Variants in TRPC4 observed in about 807,000 individuals in gnomAD.
TRPC4 encodes the protein transient receptor potential cation channel subfamily C member 4, also known as short transient receptor potential channel 4.
Under a neutral mutation model 99.4 loss-of-function variants are expected in TRPC4, and 49 were observed. The observed-to-expected ratio is 0.49, with a 90% confidence interval of 0.39 to 0.63. TRPC4 has a LOEUF of 0.63. Ranked by LOEUF, TRPC4 falls within the 20% of genes least tolerant of loss-of-function variation. The pLI is 0.00. For missense variants in TRPC4, 898 were observed against 1,152.9 expected (o/e 0.78, Z 3.20); for synonymous variants, 454 against 425.9 (o/e 1.07, Z -0.81).
intron 4 of TRPC4, among the ~76,000 whole-genome samples, chr13:37,686,502 T>C (rs995665714): frequency 6.6e-6 from 1 of 152,116 alleles, no homozygotes; most frequent in East Asian, 1.9e-4. Flanking sequence ...TCTATGAATA[T>C]TTATCTAGAT....
intron 1 of TRPC4, among the ~76,000 whole-genome samples, chr13:37,809,385 T>C (rs913396784): frequency 6.6e-6 from 1 of 152,074 alleles, no homozygotes; most frequent in East Asian, 1.9e-4. Context: ...TTTACTTTTT[T>C]GCAGTGACTC....
chr13:37,727,332 G>A (rs112029261), intron 3 of TRPC4, among the ~76,000 whole-genome samples: 259 of 151,484 alleles, frequency 1.7e-3, no homozygotes, highest in Non-Finnish European at 2.8e-3. Context: ...TTTAACCAAC[G>A]GATCAAAGAA....
intron 3 of TRPC4, among the ~76,000 whole-genome samples, chr13:37,703,957 C>T (rs1281612791): frequency 6.6e-6 from 1 of 151,958 alleles, no homozygotes; most frequent in African/African-American, 2.4e-5. Context: ...TGGAACAAGC[C>T]AAATGTCCAC....
intron 3 of TRPC4, among the ~76,000 whole-genome samples, chr13:37,709,622 A>G (rs188981392): frequency 1.3e-5 from 2 of 151,950 alleles, no homozygotes; most frequent in East Asian, 3.9e-4. Context: ...TCACCACTCT[A>G]CTTTATTCTC....
chr13:37,699,411 C>A (rs1954028243), intron 3 of TRPC4, among the ~76,000 whole-genome samples: 1 of 151,928 alleles, frequency 6.6e-6, no homozygotes, highest in African/African-American at 2.4e-5. Flanking sequence ...AAGATTTATG[C>A]AAGGAAATTA....
At chr13:37,750,167 CTG>C (rs59004057) in intron 2 of TRPC4, among the ~76,000 whole-genome samples, 4,727 of 152,146 alleles carry the variant, frequency 0.031, 246 homozygotes, top group African/African-American at 0.11. Flanking sequence ...GTAGCAAAAA[CTG>C]TTGCTTCAAT....
chr13:37,665,840 C>CAAAAAAAAAAAAAA (rs1168472231), intron 5 of TRPC4, among the ~76,000 whole-genome samples: 1 of 71,026 alleles, frequency 1.4e-5, no homozygotes, highest in African/African-American at 4.9e-5. Context: ...TCAGCTGAGA[C>CAAAAAAAAAAAAAA]AAAAAAAAAA....
chr13:37,866,301 A>G (rs1959741965), intron 1 of TRPC4, among the ~76,000 whole-genome samples: 2 of 151,766 alleles, frequency 1.3e-5, no homozygotes, highest in Admixed American at 1.3e-4. Flanking sequence ...ATATTTTTAA[A>G]AAGAGAGATA....
chr13:37,752,118 A>G (rs1167651344), intron 2 of TRPC4, among the ~76,000 whole-genome samples: 1 of 74,814 alleles, frequency 1.3e-5, no homozygotes, highest in Non-Finnish European at 3.2e-5. Context: ...TTAGAATACA[A>G]TAATAACTGT....
intron 1 of TRPC4, among the ~76,000 whole-genome samples, chr13:37,867,732 C>A (rs1212982336): frequency 6.6e-6 from 1 of 152,004 alleles, no homozygotes; most frequent in Non-Finnish European, 1.5e-5. Context: ...ATAGACACAG[C>A]CATCCAAATA....
At chr13:37,807,475 C>A (rs1434796568) in intron 1 of TRPC4, among the ~76,000 whole-genome samples, 1 of 151,788 alleles carries the variant, frequency 6.6e-6, no homozygotes, top group African/African-American at 2.4e-5. Flanking sequence ...AATCAAGAGC[C>A]CCAGCATATT....
chr13:37,763,115 A>G (rs1956269366), intron 2 of TRPC4, among the ~76,000 whole-genome samples: 1 of 151,614 alleles, frequency 6.6e-6, no homozygotes. Flanking sequence ...TATAATATAT[A>G]CGTATATATA....
At chr13:37,746,526 G>T in intron 2 of TRPC4, 71 bp from the exon 3 acceptor site, 1 of 1,483,774 alleles carries the variant, frequency 6.7e-7, no homozygotes. Context: ...CATACACCAT[G>T]CTATAGCAAT....
At chr13:37,869,545 G>A (rs964359809) in intron 1 of TRPC4, 50 bp downstream of exon 1, 2 of 152,230 alleles carry the variant, frequency 1.3e-5, no homozygotes, top group African/African-American at 2.4e-5. Flanking sequence ...CAGAAAGAAG[G>A]CGAGGTGTAG....
chr13:37,739,784 G>A (rs1282725127), intron 3 of TRPC4, among the ~76,000 whole-genome samples: 1 of 151,952 alleles, frequency 6.6e-6, no homozygotes, highest in Non-Finnish European at 1.5e-5. Context: ...GATTACAGGT[G>A]TGAGCCACTG....
rs773507908 is a variant in TRPC4 at position 37,636,800 on chromosome 13, A to G, written c.*103T>C. ...ATATGCCACAGCTGATAAACGCTAT[A>G]AAGTGTAAGTTAGCATTTGCTAATA... On this transcript the variant is annotated 3_prime_UTR_variant, in exon 11 of 11. Transcript: ENST00000379705. The G allele has an allele frequency of 2.3e-4, 319 of 1,410,924 alleles. No individual in the cohort carries two copies. Among genetic ancestry groups the G allele is most frequent in the Admixed American group, 6.0e-4 (25 of 41,424 alleles). The allele number at this position is 1,410,924 out of a possible 1,614,324, so 87.4% of individuals were successfully genotyped here.
intron 1 of TRPC4, among the ~76,000 whole-genome samples, chr13:37,785,018 A>T (rs777970799): frequency 2.0e-5 from 3 of 152,086 alleles, no homozygotes; most frequent in Non-Finnish European, 4.4e-5. Flanking sequence ...TAGACGTGCA[A>T]ATTACTTACT....
intron 3 of TRPC4, among the ~76,000 whole-genome samples, chr13:37,703,854 G>A (rs1470652122): frequency 6.6e-6 from 1 of 151,492 alleles, no homozygotes. Flanking sequence ...AAATAAAATA[G>A]AAAATAAAAA....
chr13:37,808,760 A>C (rs1957597856), intron 1 of TRPC4, among the ~76,000 whole-genome samples: 1 of 152,038 alleles, frequency 6.6e-6, no homozygotes, highest in Non-Finnish European at 1.5e-5. Context: ...GATCACCAAG[A>C]ATTCAATCTC....
Sources: allele counts gnomAD v4.1 joint callset (sites outside exome capture counted in the v4.1 genomes callset), GRCh38; gene constraint gnomAD v4.1.1; transcripts MANE v1.5; gene names NCBI Gene and HGNC (gene_info 2026-07-23, HGNC 2026-07-21).